CC2D2B: variants seen among roughly 807,000 people sequenced by gnomAD.
CC2D2B encodes the protein coiled-coil and C2 domain containing 2B.
CC2D2B carries 128 observed loss-of-function variants against 161.2 expected under a neutral mutation model. The ratio of observed to expected loss-of-function variants is 0.79; its 90% CI spans 0.69 to 0.92. CC2D2B has a LOEUF of 0.92. CC2D2B is among the 40% of genes least tolerant of loss of function. CC2D2B has a pLI of 0.00. For synonymous variants in CC2D2B, 391 were observed against 449.8 expected (o/e 0.87, Z 1.65); for missense variants, 1,173 against 1,375.1 (o/e 0.85, Z 2.32).
In CC2D2B at chr10:96,004,162, C is replaced by T. The variant is rs376518058; in HGVS notation, c.2860C>T (p.His954Tyr). 1.8e-5 allele frequency: 27 copies of T among 1,535,028 alleles called. No homozygotes were observed. The highest frequency in any genetic ancestry group is 1.5e-4 in the South Asian group (12 of 79,518). The stretch of plus-strand genomic sequence containing the variant: ...TTTTCTTATTTGCAGCTCACCAGGA[C>T]ATGATTATAGCTTCTCAAGCTTATC... Reference protein sequence around the residue: ...EIKVDFVSPGHDYSFSSLSKI... With the variant: ...EIKVDFVSPGYDYSFSSLSKI... The change falls in exon 25 of 35, where the codon CAT becomes TAT. Residue 954 changes from histidine (H) to tyrosine (Y), a missense_variant. Transcript: ENST00000646931.
chr10:95,971,264 C>T (rs940194386), intron 15 of CC2D2B, among the ~76,000 whole-genome samples: 2 of 151,792 alleles, frequency 1.3e-5, no homozygotes, highest in African/African-American at 2.4e-5. Flanking sequence ...TGGTGGGCAC[C>T]TGTAATCCCT....
Position 95,993,834 on chromosome 10 carries a change from GTATATATA to G in CC2D2B, c.2642+1148_2642+1155del, listed in dbSNP as rs369610013. ...TATATAGAGTGTATATATAAAGAGT[GTATATATA>G]TATATATATAGAGAGAGAGAGAGAG... On this transcript the variant is annotated intron_variant, in intron 22 of 34. Transcript: ENST00000646931. Among the ~76,000 whole-genome samples the G allele has an allele frequency of 9.1e-5, 10 of 109,974 alleles. No individual in the cohort carries two copies. In the East Asian group the frequency reaches 2.3e-3, roughly 25 times the overall value. The allele number at this position is 109,974 out of a possible 152,430, so 72.1% of individuals were successfully genotyped here.
At chr10:95,952,875 T>C (rs2076450183) in intron 10 of CC2D2B, among the ~76,000 whole-genome samples, 3 of 152,286 alleles carry the variant, frequency 2.0e-5, no homozygotes, top group East Asian at 3.9e-4. Flanking sequence ...AAAACTTCTA[T>C]AGGATAGATC....
At chr10:95,964,627 G>A (rs1195230084) in intron 12 of CC2D2B, among the ~76,000 whole-genome samples, 1 of 152,128 alleles carries the variant, frequency 6.6e-6, no homozygotes, top group African/African-American at 2.4e-5. Flanking sequence ...GATGAGAAAA[G>A]TGAGGCATAG....
intron 24 of CC2D2B, chr10:96,000,333 TAATAAATAAATA>T: frequency 8.3e-6 from 2 of 241,502 alleles, no homozygotes; most frequent in Non-Finnish European, 1.3e-5. Context: ...TATTTATTTA[TAATAAATAAATA>T]AATAAATAAA....
chr10:95,969,003 TAA>T (rs535960691), intron 15 of CC2D2B, 102 bp downstream of exon 15: 218 of 453,938 alleles, frequency 4.8e-4, no homozygotes, highest in Non-Finnish European at 7.3e-4. Flanking sequence ...TCTTTGATGT[TAA>T]GAGATGGACT....
chr10:95,987,342 A>C (rs1479009433), intron 19 of CC2D2B, among the ~76,000 whole-genome samples: 1 of 152,160 alleles, frequency 6.6e-6, no homozygotes, highest in Admixed American at 6.5e-5. Flanking sequence ...AAATGTAAAT[A>C]ACGTGATATG....
At chr10:95,950,335 G>T (rs986568614) in intron 10 of CC2D2B, 1 of 325,320 alleles carries the variant, frequency 3.1e-6, no homozygotes, top group Non-Finnish European at 5.5e-6. Context: ...TGGTATTCTT[G>T]GTCCTATAAC....
chr10:96,019,723 A>G lies in CC2D2B; in HGVS notation c.3787A>G (p.Asn1263Asp). Residue 1263 changes from asparagine (N) to aspartate (D), a missense_variant, in exon 32 of 35, where the codon AAT becomes GAT. Asn to Asp is a conservative substitution (Grantham distance 23, BLOSUM62 1). Coordinates refer to ENST00000646931, the MANE Select transcript of CC2D2B (RefSeq NM_001349008.3). Reference protein sequence around the residue: ...DRNVWFNIQQNNTPMAVFFDY... With the variant: ...DRNVWFNIQQDNTPMAVFFDY... The stretch of plus-strand genomic sequence containing the variant: ...ATAGGTCTGGTTTAATATTCAACAA[A>G]ATAATACACCAATGGCTGTATTTTT... The G allele has an allele frequency of 1.9e-6, 3 of 1,596,424 alleles. No homozygotes were observed. Among genetic ancestry groups the G allele is most frequent in the Non-Finnish European group, 2.6e-6 (3 of 1,174,358 alleles).
At position 96,019,413 on chromosome 10, in the gene CC2D2B, GAACTTTA is replaced by G. The variant is rs1043092769; in HGVS notation, c.3765+79_3765+85del. ...TGGCTACACACTAGAATCACCTGGG[GAACTTTA>G]AATATAGATAGTCTATCAGATTCCC... On this transcript the variant is annotated intron_variant, in intron 31 of 34. Coordinates refer to ENST00000646931, the MANE Select transcript of CC2D2B (RefSeq NM_001349008.3). 3 of 1,381,396 alleles carry G rather than the reference GAACTTTA, an allele frequency of 2.2e-6. No homozygotes were observed. The African/African-American group carries it at 4.4e-5, about 20-fold the overall frequency. The allele number at this position is 1,381,396 out of a possible 1,614,324, so 85.6% of individuals were successfully genotyped here.
chr10:95,966,417 T>G (rs1422390406), intron 14 of CC2D2B, 115 bp downstream of exon 14: 2 of 372,646 alleles, frequency 5.4e-6, no homozygotes, highest in Admixed American at 9.1e-5. Context: ...CTCTAAGTTT[T>G]TAAAAACACA....
At chr10:95,979,364 G>A (rs1203193638) in intron 17 of CC2D2B, among the ~76,000 whole-genome samples, 1 of 152,124 alleles carries the variant, frequency 6.6e-6, no homozygotes, top group Non-Finnish European at 1.5e-5. Context: ...GGTGAGCTGT[G>A]AGCCTGGTTC....
chr10:95,959,749 T>G (rs2076698577), intron 11 of CC2D2B, among the ~76,000 whole-genome samples: 1 of 152,146 alleles, frequency 6.6e-6, no homozygotes, highest in South Asian at 2.1e-4. Flanking sequence ...CTTAACATAC[T>G]AATACAATGT....
At chr10:95,908,138 T>A (rs1230657866) in intron 1 of CC2D2B, 81 bp downstream of exon 1, 1 of 152,278 alleles carries the variant, frequency 6.6e-6, no homozygotes, top group African/African-American at 2.4e-5. Context: ...CTCTGCTGCA[T>A]GGGCAGAACT....
intron 24 of CC2D2B, among the ~76,000 whole-genome samples, chr10:95,996,859 G>A (rs2078248972): frequency 6.6e-6 from 1 of 152,192 alleles, no homozygotes; most frequent in Non-Finnish European, 1.5e-5. Context: ...AGGCCTAATG[G>A]GAGGTGTTTG....
At chr10:95,975,531 A>G (rs1293773029) in intron 17 of CC2D2B, among the ~76,000 whole-genome samples, 5 of 152,214 alleles carry the variant, frequency 3.3e-5, no homozygotes. Flanking sequence ...ATCTTCTTAA[A>G]AGAAGTGATT....
At chr10:95,997,947 A>G (rs2078294590) in intron 24 of CC2D2B, among the ~76,000 whole-genome samples, 1 of 152,184 alleles carries the variant, frequency 6.6e-6, no homozygotes, top group East Asian at 1.9e-4. Flanking sequence ...TCCCAACAGC[A>G]GTATATACAA....
Position 95,961,880 on chromosome 10 carries a change from A to T in CC2D2B, c.1161A>T (p.Leu387=). Residue 387 remains leucine (L), a synonymous_variant, in exon 12 of 35, where the codon CTA becomes CTT. Transcript: ENST00000646931. ...AAAGGGGAAAGGACCTCTCCCTACT[A>T]CACAGTATATTACGAACTTGGAAAC... ...DLERGKDLSL[L]HSILRTWKQI... The T allele has an allele frequency of 8.1e-7, 1 of 1,231,238 alleles. No individual in the cohort carries two copies. The highest frequency in any genetic ancestry group is 4.1e-5 in the South Asian group (1 of 24,306). The allele number at this position is 1,231,238 out of a possible 1,614,324, so 76.3% of individuals were successfully genotyped here. A position where few individuals can be genotyped will look rare whatever the true frequency, so the allele number is the denominator to read the frequency against.
chr10:95,958,576 AAG>A (rs1339556289), intron 11 of CC2D2B, among the ~76,000 whole-genome samples: 1 of 152,044 alleles, frequency 6.6e-6, no homozygotes, highest in Non-Finnish European at 1.5e-5. Flanking sequence ...AAAATTGAAA[AAG>A]AGAATGAAGC....
Sources: gnomAD v4.1 joint callset for allele counts (sites outside exome capture counted in the v4.1 genomes callset) on GRCh38, gnomAD v4.1.1 for gene constraint, MANE v1.5 for transcripts, NCBI Gene and HGNC (gene_info 2026-07-23, HGNC 2026-07-21) for gene names.